MAML3: variants seen among roughly 807,000 people sequenced by gnomAD.
MAML3 encodes the protein mastermind like transcriptional coactivator 3.
In MAML3, 27 loss-of-function variants were observed where a neutral mutation model predicts 101.9. That is an observed-to-expected ratio of 0.27 (90% CI 0.20 to 0.37). The LOEUF (loss-of-function observed/expected upper bound fraction) is 0.37. MAML3 is among the 10% of genes least tolerant of loss of function. The pLI is 1.00. For missense variants in MAML3, 1,316 were observed against 1,444.9 expected (o/e 0.91, Z 1.45); for synonymous variants, 501 against 555.9 (o/e 0.90, Z 1.39).
At chr4:139,819,073 T>C (rs1299491136) in intron 2 of MAML3, among the ~76,000 whole-genome samples, 1 of 152,128 alleles carries the variant, frequency 6.6e-6, no homozygotes, top group African/African-American at 2.4e-5. Context: ...AGCAAAAATG[T>C]AAGGCCGAAT....
At chr4:139,875,157 G>A (rs1001721620) in intron 2 of MAML3, among the ~76,000 whole-genome samples, 4 of 151,908 alleles carry the variant, frequency 2.6e-5, no homozygotes, top group African/African-American at 9.7e-5. Context: ...TATATAACCC[G>A]CCCAAGGTCC....
At chr4:139,973,580 G>A (rs1021939930) in intron 1 of MAML3, among the ~76,000 whole-genome samples, 5 of 152,188 alleles carry the variant, frequency 3.3e-5, no homozygotes, top group African/African-American at 4.8e-5. Flanking sequence ...CCCACAGGGA[G>A]CTATATATTC....
intron 2 of MAML3, among the ~76,000 whole-genome samples, chr4:139,742,477 A>G (rs1729202488): frequency 6.6e-6 from 1 of 151,930 alleles, no homozygotes; most frequent in Non-Finnish European, 1.5e-5. Flanking sequence ...TTTAATCAGA[A>G]CTCTTCTTGG....
intron 1 of MAML3, among the ~76,000 whole-genome samples, chr4:140,093,456 G>A (rs937482348): frequency 1.8e-4 from 25 of 139,562 alleles, no homozygotes; most frequent in Non-Finnish European, 3.5e-4. Context: ...TCGCTCTGTC[G>A]CCCAGGCTGG....
At chr4:140,106,115 GAA>G (rs59770042) in intron 1 of MAML3, among the ~76,000 whole-genome samples, 41 of 90,094 alleles carry the variant, frequency 4.6e-4, no homozygotes, top group African/African-American at 1.5e-3. Context: ...CTGACTTCAA[GAA>G]AAAAAAAAAA....
chr4:139,720,558 C>T (rs930262793), intron 4 of MAML3, among the ~76,000 whole-genome samples: 1 of 152,238 alleles, frequency 6.6e-6, no homozygotes, highest in African/African-American at 2.4e-5. Flanking sequence ...TGAAATCCCA[C>T]TATCCAGAGA....
intron 1 of MAML3, among the ~76,000 whole-genome samples, chr4:139,905,192 T>C (rs1732799188): frequency 6.6e-6 from 1 of 152,210 alleles, no homozygotes; most frequent in Admixed American, 6.5e-5. Flanking sequence ...GATTTTGTAA[T>C]GATAAAGATC....
chr4:139,894,276 T>C lies in MAML3; in HGVS notation c.469-3309A>G, dbSNP rs572555654. 2.9e-3 allele frequency among the ~76,000 whole-genome samples: 442 copies of C among 152,188 alleles called. 3 individuals carry two copies. The highest frequency in any genetic ancestry group is 1.0e-2 in the African/African-American group (414 of 41,532). On this transcript the variant is annotated intron_variant, in intron 1 of 4. Coordinates refer to ENST00000509479, the MANE Select transcript of MAML3 (RefSeq NM_018717.5). ...CTGTAATCCCAGCACTTTGGGAGGC[T>C]GAGGTGGGCAGATCGCGAGGTCAAG... is the stretch of plus-strand genomic sequence containing the variant.
intron 2 of MAML3, among the ~76,000 whole-genome samples, chr4:139,751,194 C>T (rs1729489211): frequency 6.6e-6 from 1 of 152,098 alleles, no homozygotes; most frequent in South Asian, 2.1e-4. Flanking sequence ...TAACATTTTC[C>T]CATTTGGGTT....
At chr4:139,900,637 C>T (rs1042595245) in intron 1 of MAML3, among the ~76,000 whole-genome samples, 3 of 152,206 alleles carry the variant, frequency 2.0e-5, no homozygotes, top group African/African-American at 7.2e-5. Flanking sequence ...TCTATACGTG[C>T]AGTTTAAACT....
rs181704791 is a variant in MAML3, at chr4:139,994,284, C to A, written c.469-103317G>T. Among the ~76,000 whole-genome samples, 510 of 152,296 alleles carry A rather than the reference C, an allele frequency of 3.3e-3. 1 individual carries two copies. Among genetic ancestry groups the A allele is most frequent in the African/African-American group, 0.012 (485 of 41,568 alleles). On this transcript the variant is annotated intron_variant, in intron 1 of 4. Coordinates refer to ENST00000509479, the MANE Select transcript of MAML3 (RefSeq NM_018717.5). ...GTGTATAAGTCTTACACTTCTATTG[C>A]TAACTTAGTCTTAAGTCTTTTCTTT...
intron 1 of MAML3, among the ~76,000 whole-genome samples, chr4:140,138,467 A>G (rs572469427): frequency 1.7e-4 from 26 of 152,258 alleles, no homozygotes; most frequent in Admixed American, 5.9e-4. Context: ...GCTTCTTTAT[A>G]TAAACCACCT....
At chr4:139,893,128 T>G (rs1383136145) in intron 1 of MAML3, among the ~76,000 whole-genome samples, 1 of 152,190 alleles carries the variant, frequency 6.6e-6, no homozygotes, top group Admixed American at 6.5e-5. Context: ...CTTCAGAGCC[T>G]AGAATTCTTT....
intron 1 of MAML3, among the ~76,000 whole-genome samples, chr4:140,032,001 G>A (rs1390724193): frequency 6.6e-6 from 1 of 152,166 alleles, no homozygotes; most frequent in Non-Finnish European, 1.5e-5. Flanking sequence ...CTGGCCAACG[G>A]TCTTAATAAA....
chr4:140,025,604 A>T (rs1726808739), intron 1 of MAML3, among the ~76,000 whole-genome samples: 1 of 152,194 alleles, frequency 6.6e-6, no homozygotes, highest in South Asian at 2.1e-4. Flanking sequence ...GAAAAAGAAT[A>T]AGAAATAAAG....
intron 1 of MAML3, among the ~76,000 whole-genome samples, chr4:140,124,707 ACTAAT>A (rs902047943): frequency 6.6e-6 from 1 of 152,232 alleles, no homozygotes; most frequent in Non-Finnish European, 1.5e-5. Context: ...TATTTGCAAT[ACTAAT>A]TAGTCTTAAG....
chr4:139,733,559 A>G (rs78198118), intron 2 of MAML3, among the ~76,000 whole-genome samples: 2 of 32,122 alleles, frequency 6.2e-5, no homozygotes, highest in African/African-American at 1.5e-4. Flanking sequence ...CACAGTGTGA[A>G]AAAAAAAAAA....
intron 2 of MAML3, among the ~76,000 whole-genome samples, chr4:139,816,947 T>A (rs1730902464): frequency 6.6e-6 from 1 of 152,150 alleles, no homozygotes; most frequent in African/African-American, 2.4e-5. Flanking sequence ...ATATTACAAT[T>A]AGAAAGAATG....
intron 1 of MAML3, among the ~76,000 whole-genome samples, chr4:139,913,093 T>C (rs1019243732): frequency 4.6e-5 from 7 of 152,228 alleles, no homozygotes; most frequent in African/African-American, 1.7e-4. Context: ...ATGTAATACA[T>C]ATTTTGAATC....
Sources: allele counts gnomAD v4.1 joint callset (sites outside exome capture counted in the v4.1 genomes callset), GRCh38; gene constraint gnomAD v4.1.1; transcripts MANE v1.5; gene names NCBI Gene and HGNC (gene_info 2026-07-23, HGNC 2026-07-21).